Variants in KIF21A observed in about 807,000 individuals in gnomAD.
KIF21A encodes the protein kinesin family member 21A, also known as kinesin-like protein KIF21A.
Under a neutral mutation model 202.9 loss-of-function variants are expected in KIF21A, and 114 were observed. The observed-to-expected ratio is 0.56, with a 90% CI of 0.48 to 0.66. KIF21A has a LOEUF of 0.66. Ranked by LOEUF, KIF21A falls within the 30% of genes least tolerant of loss-of-function variation. The probability of loss-of-function intolerance (pLI) is 0.00; values close to 1 mark genes in which losing one functional copy is unlikely to be tolerated. For synonymous variants in KIF21A, 667 were observed against 670.8 expected (o/e 0.99, Z 0.09); for missense variants, 1,677 against 1,994.9 (o/e 0.84, Z 3.04).
rs1392077387 is a variant in KIF21A, at chr12:39,294,390, C to A, written c.*34G>T. On this transcript the variant is annotated 3_prime_UTR_variant, in exon 38 of 38. Coordinates refer to ENST00000361418, the MANE Select transcript of KIF21A (RefSeq NM_001173464.2). ...CCATAAAGAATACAGAGTATTATCA[C>A]AGCATTCAGTTTACAACCTATCTTC... is the stretch of plus-strand genomic sequence containing the variant. 4 of 1,454,432 alleles carry A rather than the reference C, an allele frequency of 2.8e-6. No homozygotes were observed. The highest frequency in any genetic ancestry group is 3.9e-6 in the Non-Finnish European group (4 of 1,034,474). The allele number at this position is 1,454,432 out of a possible 1,614,324, so 90.1% of individuals were successfully genotyped here. A position where few individuals can be genotyped will look rare whatever the true frequency, so the allele number is the denominator to read the frequency against.
At chr12:39,411,534 T>C (rs545656728) in intron 1 of KIF21A, among the ~76,000 whole-genome samples, 2 of 152,288 alleles carry the variant, frequency 1.3e-5, no homozygotes, top group South Asian at 4.1e-4. Flanking sequence ...CATTTATTTT[T>C]TATTCTTTTA....
chr12:39,346,681 A>G (rs949713217), intron 11 of KIF21A, among the ~76,000 whole-genome samples, 177 bp from the exon 12 acceptor site: 1 of 152,056 alleles, frequency 6.6e-6, no homozygotes, highest in African/African-American at 2.4e-5. Context: ...CATTTGTATG[A>G]ATAAAAAGTA....
intron 31 of KIF21A, chr12:39,312,650 T>C (rs953852114): frequency 6.6e-6 from 1 of 152,020 alleles, no homozygotes; most frequent in Non-Finnish European, 1.5e-5. Context: ...ATATCTACTA[T>C]GTACCTGCAA....
At chr12:39,325,333 A>AT (rs200000503) in intron 26 of KIF21A, among the ~76,000 whole-genome samples, 41,070 of 138,344 alleles carry the variant, frequency 0.3, 8,201 homozygotes, top group African/African-American at 0.57. Flanking sequence ...ACCAAGGAGA[A>AT]TTTTTTTTTT....
At chr12:39,434,005 A>G (rs1938326359) in intron 1 of KIF21A, among the ~76,000 whole-genome samples, 1 of 152,234 alleles carries the variant, frequency 6.6e-6, no homozygotes, top group Non-Finnish European at 1.5e-5. Flanking sequence ...CAATTGCTAG[A>G]GTTTGGAATA....
chr12:39,359,046 A>G (rs1284173323), intron 7 of KIF21A, among the ~76,000 whole-genome samples: 4 of 152,204 alleles, frequency 2.6e-5, no homozygotes, highest in Non-Finnish European at 5.9e-5. Flanking sequence ...AGATTCTAAC[A>G]GACACTCACA....
chr12:39,306,852 T>G (rs1034244891), intron 34 of KIF21A, among the ~76,000 whole-genome samples: 1 of 152,170 alleles, frequency 6.6e-6, no homozygotes, highest in African/African-American at 2.4e-5. Context: ...TCTGTCTTTA[T>G]TCCTAGTACT....
chr12:39,364,077 C>T (rs1156591296), intron 6 of KIF21A, among the ~76,000 whole-genome samples: 1 of 152,126 alleles, frequency 6.6e-6, no homozygotes, highest in African/African-American at 2.4e-5. Context: ...AAAAACTAGT[C>T]AAATTACAGA....
intron 1 of KIF21A, among the ~76,000 whole-genome samples, chr12:39,377,538 T>C (rs1258503774): frequency 6.6e-6 from 1 of 152,158 alleles, no homozygotes; most frequent in Non-Finnish European, 1.5e-5. Context: ...CCATAAGAAC[T>C]TGTTAGGCCA....
chr12:39,365,621 TAAA>T (rs59962555), intron 6 of KIF21A, among the ~76,000 whole-genome samples: 1 of 152,068 alleles, frequency 6.6e-6, no homozygotes, highest in Admixed American at 6.5e-5. Context: ...CAATCATTAC[TAAA>T]AAAAATTACA....
chr12:39,432,874 G>C (rs1425766286), intron 1 of KIF21A, among the ~76,000 whole-genome samples: 3 of 152,108 alleles, frequency 2.0e-5, no homozygotes, highest in Admixed American at 2.0e-4. Flanking sequence ...GCCTCCCAAA[G>C]TGCTGGGATT....
chr12:39,353,172 A>T (rs1398917438), intron 10 of KIF21A, among the ~76,000 whole-genome samples: 1 of 152,060 alleles, frequency 6.6e-6, no homozygotes, highest in East Asian at 1.9e-4. Flanking sequence ...TCCATTGCCT[A>T]CCAAAATTAT....
chr12:39,341,094 G>A lies in KIF21A; in HGVS notation c.1922C>T (p.Ala641Val). 1.3e-6 allele frequency: 2 copies of A among 1,593,722 alleles called. No homozygotes were observed. Among genetic ancestry groups the A allele is most frequent in the Non-Finnish European group, 1.7e-6 (2 of 1,166,764 alleles). Residue 641 changes from alanine (A) to valine (V), a missense_variant and splice_region_variant, in exon 15 of 38, where the codon GCC becomes GTC. Transcript: ENST00000361418. ...GTTTGCCAAGTCTGCTTGATAATTG[G>A]CTATTTATAAAAGAAGAAAATAAAA... is the stretch of plus-strand genomic sequence containing the variant. ...DESDSESDEKANYQADLANIT... is the reference protein window; with the variant it reads ...DESDSESDEKVNYQADLANIT...
At chr12:39,326,022 G>A (rs1157035956) in intron 25 of KIF21A, 129 bp from the exon 26 acceptor site, 1 of 712,112 alleles carries the variant, frequency 1.4e-6, no homozygotes, top group African/African-American at 1.8e-5. Flanking sequence ...AATATTTAAA[G>A]TCAAAATGAA....
At chr12:39,295,779 G>A (rs954908537) in intron 37 of KIF21A, among the ~76,000 whole-genome samples, 5 of 135,924 alleles carry the variant, frequency 3.7e-5, no homozygotes, top group Non-Finnish European at 7.6e-5. Flanking sequence ...GCTCCTCTGC[G>A]CAAACTCTGC....
intron 21 of KIF21A, 56 bp downstream of exon 21, chr12:39,332,158 A>G (rs1946561174): frequency 6.7e-7 from 1 of 1,496,272 alleles, no homozygotes; most frequent in African/African-American, 1.4e-5. Context: ...TTTGAACAAT[A>G]AACAATACAA....
intron 1 of KIF21A, among the ~76,000 whole-genome samples, chr12:39,440,158 T>C (rs1411148568): frequency 6.6e-6 from 1 of 152,206 alleles, no homozygotes; most frequent in East Asian, 1.9e-4. Flanking sequence ...AGTTCTATCT[T>C]TTCTAGCAAT....
In KIF21A at chr12:39,393,061, T is replaced by C. The variant is rs146302689; in HGVS notation, c.45-22800A>G. Reference sequence around the variant, plus strand: ...AAAATGTTTCTGAAATAAATAGCATTCTAAGGAAATTGCTGTGTAGGGAAC... The same window carrying C: ...AAAATGTTTCTGAAATAAATAGCATCCTAAGGAAATTGCTGTGTAGGGAAC... On this transcript the variant is annotated intron_variant, in intron 1 of 37. Coordinates refer to ENST00000361418, the MANE Select transcript of KIF21A (RefSeq NM_001173464.2). 2.0e-5 allele frequency among the ~76,000 whole-genome samples: 3 copies of C among 150,742 alleles called. No homozygotes were observed. The Admixed American group carries it at 2.0e-4, about 10-fold the overall frequency.
chr12:39,431,454 C>A (rs1937890340), intron 1 of KIF21A, among the ~76,000 whole-genome samples: 1 of 152,100 alleles, frequency 6.6e-6, no homozygotes, highest in Non-Finnish European at 1.5e-5. Context: ...AGGCTATGAT[C>A]CTAAAAGCAC....
Sources: allele counts gnomAD v4.1 joint callset (sites outside exome capture counted in the v4.1 genomes callset), GRCh38; gene constraint gnomAD v4.1.1; transcripts MANE v1.5; gene names NCBI Gene and HGNC (gene_info 2026-07-23, HGNC 2026-07-21).